Variants in NIPBL observed in about 807,000 individuals in gnomAD.
The protein encoded by NIPBL is NIPBL cohesin loading factor.
Under a neutral mutation model 321.8 loss-of-function variants are expected in NIPBL, and 19 were observed. The observed-to-expected ratio is 0.06, with a 90% CI of 0.04 to 0.09. The LOEUF (loss-of-function observed/expected upper bound fraction) is 0.09, where lower values mean the gene tolerates loss of function less well. Ranked by LOEUF, NIPBL falls within the 10% of genes least tolerant of loss-of-function variation. The pLI is 1.00. For missense variants in NIPBL, 2,210 were observed against 3,327.0 expected, an observed-to-expected ratio of 0.66 and a Z score of 8.26; for synonymous variants, 1,106 against 1,114.1, an observed-to-expected ratio of 0.99 and a Z score of 0.14.
chr5:36,933,044 G>A (rs2149574106), intron 1 of NIPBL, among the ~76,000 whole-genome samples: 1 of 151,736 alleles, frequency 6.6e-6, no homozygotes, highest in South Asian at 2.1e-4. Context: ...GGTTACTGTA[G>A]GGATTACAAT....
chr5:36,877,193 T>A lies in NIPBL; in HGVS notation c.-80+15T>A. The A allele has an allele frequency of 4.5e-6, 1 of 223,994 alleles. No homozygotes were observed. Among genetic ancestry groups the A allele is most frequent in the Non-Finnish European group, 8.7e-6 (1 of 114,912 alleles). The allele number at this position is 223,994 out of a possible 1,614,324, so 13.9% of individuals were successfully genotyped here. A position where few individuals can be genotyped will look rare whatever the true frequency, so the allele number is the denominator to read the frequency against. ...GATTCGCCCAGGTAAATTCCTGCTC[T>A]TTATTTCGGCGGCGGCGGCGGCGGC... is the stretch of plus-strand genomic sequence containing the variant. On this transcript the variant is annotated intron_variant, in intron 1 of 46. Transcript: ENST00000282516.
At chr5:36,890,908 A>G (rs569491664) in intron 1 of NIPBL, among the ~76,000 whole-genome samples, 29 of 152,332 alleles carry the variant, frequency 1.9e-4, no homozygotes, top group Admixed American at 1.3e-4. Flanking sequence ...TCTCTTGTAC[A>G]TCAAACACTG....
At chr5:36,938,673 C>A (rs1443197918) in intron 1 of NIPBL, among the ~76,000 whole-genome samples, 1 of 152,250 alleles carries the variant, frequency 6.6e-6, no homozygotes, top group East Asian at 1.9e-4. Flanking sequence ...CAGACTATTA[C>A]TGTTTTTTAA....
At chr5:37,022,184 G>T (rs543309426) in intron 28 of NIPBL, 35 bp downstream of exon 28, 5 of 1,612,780 alleles carry the variant, frequency 3.1e-6, no homozygotes, top group African/African-American at 1.3e-5. Context: ...TTTTCTACTC[G>T]AATTGGAATA....
intron 4 of NIPBL, among the ~76,000 whole-genome samples, chr5:36,960,791 A>G (rs1481187971): frequency 1.3e-5 from 2 of 152,224 alleles, no homozygotes; most frequent in African/African-American, 2.4e-5. Context: ...TGTCTCCCAT[A>G]TAATGAAATG....
At chr5:37,004,428 A>AG (rs1467183751) in intron 16 of NIPBL, among the ~76,000 whole-genome samples, 1 of 150,480 alleles carries the variant, frequency 6.6e-6, no homozygotes, top group African/African-American at 2.5e-5. Context: ...TGATAGAGCC[A>AG]GGGTCTTGCT....
intron 1 of NIPBL, among the ~76,000 whole-genome samples, chr5:36,951,828 A>G (rs565283874): frequency 1.3e-5 from 2 of 152,198 alleles, no homozygotes; most frequent in Admixed American, 1.3e-4. Context: ...GTCATTCACC[A>G]AAGGAAAGTA....
intron 45 of NIPBL, among the ~76,000 whole-genome samples, chr5:37,062,919 C>T (rs1754913037): frequency 6.9e-6 from 1 of 145,370 alleles, no homozygotes; most frequent in African/African-American, 2.6e-5. Context: ...GACCCTGTCT[C>T]AATTTAAAAA....
intron 10 of NIPBL, among the ~76,000 whole-genome samples, chr5:36,986,998 C>T (rs1256761655): frequency 6.6e-6 from 1 of 152,094 alleles, no homozygotes; most frequent in Non-Finnish European, 1.5e-5. Context: ...GCCATTTGTG[C>T]AGAAGATATA....
intron 1 of NIPBL, among the ~76,000 whole-genome samples, chr5:36,911,633 A>G (rs1200367634): frequency 2.0e-5 from 3 of 152,212 alleles, no homozygotes; most frequent in Non-Finnish European, 2.9e-5. Flanking sequence ...CGCCTCTTGT[A>G]TTCTCACAGT....
intron 1 of NIPBL, among the ~76,000 whole-genome samples, chr5:36,906,608 A>C (rs1747659704): frequency 6.6e-6 from 1 of 152,216 alleles, no homozygotes; most frequent in Non-Finnish European, 1.5e-5. Context: ...TGAAAATTTA[A>C]TCAACTGTGT....
At chr5:36,978,245 T>G (rs1031059169) in intron 9 of NIPBL, among the ~76,000 whole-genome samples, 12 of 151,848 alleles carry the variant, frequency 7.9e-5, no homozygotes, top group Non-Finnish European at 1.8e-4. Context: ...TGTTCCCTTT[T>G]CTCTGCAGCC....
At chr5:37,002,322 C>T (rs1193584844) in intron 14 of NIPBL, among the ~76,000 whole-genome samples, 3 of 152,172 alleles carry the variant, frequency 2.0e-5, no homozygotes, top group Non-Finnish European at 2.9e-5. Context: ...GGGCACCCTA[C>T]TGGCCAAACC....
At chr5:36,930,654 G>A (rs1023293983) in intron 1 of NIPBL, among the ~76,000 whole-genome samples, 2 of 152,024 alleles carry the variant, frequency 1.3e-5, no homozygotes, top group Non-Finnish European at 2.9e-5. Context: ...TTTTTCTCCT[G>A]ATAGGGAAGT....
At chr5:36,930,076 C>T (rs964599676) in intron 1 of NIPBL, among the ~76,000 whole-genome samples, 1 of 151,426 alleles carries the variant, frequency 6.6e-6, no homozygotes, top group African/African-American at 2.4e-5. Flanking sequence ...TTGTATTTTC[C>T]TATAAAGTTA....
chr5:36,899,276 A>G lies in NIPBL; in HGVS notation c.-80+22098A>G, dbSNP rs574664488. On this transcript the variant is annotated intron_variant, in intron 1 of 46. Transcript: ENST00000282516. ...GATGGGTAAATGTTGAAGAAAACTT[A>G]ATACCTCTTGTTTTCTCTATGTTGA... is the stretch of plus-strand genomic sequence containing the variant. Among the ~76,000 whole-genome samples the G allele has an allele frequency of 2.6e-5, 4 of 152,276 alleles. No individual in the cohort carries two copies. In the South Asian group the frequency reaches 8.3e-4, roughly 32 times the overall value.
chr5:36,995,956 A>T (rs377320784), intron 11 of NIPBL, 152 bp downstream of exon 11: 1 of 661,538 alleles, frequency 1.5e-6, no homozygotes. Flanking sequence ...TACTTTAAAA[A>T]TGCGTGAAAG....
rs561057864 is a variant in NIPBL, at chr5:36,983,694, GATTTA to G, written c.1496-976_1496-972del. ...TAACCATTCCCAAGACCTAACTGGA[GATTTA>G]ATTTATAGAAAATGACTAGCTCCCT... On this transcript the variant is annotated intron_variant, in intron 9 of 46. Transcript: ENST00000282516. Among the ~76,000 whole-genome samples the G allele has an allele frequency of 1.7e-3, 263 of 152,074 alleles. 4 individuals carry two copies. The South Asian group carries it at 0.028, about 16-fold the overall frequency.
At chr5:36,943,291 A>G (rs1430501463) in intron 1 of NIPBL, among the ~76,000 whole-genome samples, 1 of 152,214 alleles carries the variant, frequency 6.6e-6, no homozygotes, top group Non-Finnish European at 1.5e-5. Flanking sequence ...AATTATAATA[A>G]CATCAAAAAT....
Sources: gnomAD v4.1 joint callset for allele counts (sites outside exome capture counted in the v4.1 genomes callset) on GRCh38, gnomAD v4.1.1 for gene constraint, MANE v1.5 for transcripts, NCBI Gene and HGNC (gene_info 2026-07-23, HGNC 2026-07-21) for gene names.